The following NXN variants were observed in gnomAD, a reference collection of about 807,000 sequenced individuals.
NXN encodes nucleoredoxin 1.
In NXN, 16 loss-of-function variants were observed where a neutral mutation model predicts 48.6. That is an observed-to-expected ratio of 0.33 (90% CI 0.22 to 0.50). The LOEUF (loss-of-function observed/expected upper bound fraction) is 0.50, where lower values mean the gene tolerates loss of function less well. Ranked by LOEUF, NXN falls within the 20% of genes least tolerant of loss-of-function variation. The probability of loss-of-function intolerance (pLI) is 0.98; values close to 1 mark genes in which losing one functional copy is unlikely to be tolerated. For missense variants in NXN, 492 were observed against 605.5 expected, an observed-to-expected ratio of 0.81 and a Z score of 1.97; for synonymous variants, 281 against 269.6, an observed-to-expected ratio of 1.04 and a Z score of -0.41.
At chr17:851,290 A>G (rs1446145441) in intron 1 of NXN, among the ~76,000 whole-genome samples, 1 of 152,256 alleles carries the variant, frequency 6.6e-6, no homozygotes, top group Non-Finnish European at 1.5e-5. Flanking sequence ...CCCCGGCTGA[A>G]ATGAAGACGC....
At chr17:833,187 G>A (rs928118104) in intron 1 of NXN, among the ~76,000 whole-genome samples, 5 of 152,062 alleles carry the variant, frequency 3.3e-5, no homozygotes, top group East Asian at 1.9e-4. Flanking sequence ...CACCGCACCC[G>A]GCCGAAAAGT....
rs34471469 is a variant in NXN at position 825,221 on chromosome 17, GAA to G, written c.478+738_478+739del. Among the ~76,000 whole-genome samples, 70,354 of 120,638 alleles carry G rather than the reference GAA, an allele frequency of 0.58. 18,788 individuals are homozygous for G. Among genetic ancestry groups the G allele is most frequent in the African/African-American group, 0.73 (25,816 of 35,210 alleles). 79.1% of individuals were successfully genotyped at this position (120,638 alleles called of 152,430 possible). On this transcript the variant is annotated intron_variant, in intron 2 of 7. Transcript: ENST00000336868. This position sits in a 1 kb window ranked among gnomAD's most constrained non-coding sequence, Gnocchi z 4.1. ...GACAGAGGGAGATAGTGTCTCAAGA[GAA>G]AAAAAAAAAAAAAAAAGAAAAGCTT... is the stretch of plus-strand genomic sequence containing the variant.
At chr17:946,653 TC>T (rs1567514039) in intron 1 of NXN, among the ~76,000 whole-genome samples, 2 of 151,950 alleles carry the variant, frequency 1.3e-5, no homozygotes, top group Non-Finnish European at 2.9e-5. Flanking sequence ...AAAACCACGC[TC>T]CCCGTTAGCC....
chr17:836,918 G>C (rs1220343634), intron 1 of NXN, among the ~76,000 whole-genome samples: 2 of 151,724 alleles, frequency 1.3e-5, no homozygotes, highest in African/African-American at 2.4e-5. Flanking sequence ...CAGCCTCCCA[G>C]AGTGCTGGGA....
chr17:892,034 C>T (rs1249311341), intron 1 of NXN, among the ~76,000 whole-genome samples: 1 of 149,800 alleles, frequency 6.7e-6, no homozygotes, highest in African/African-American at 2.5e-5. Flanking sequence ...CCCCACCATG[C>T]ACAACCCAAC....
rs1232018140 is a variant in NXN, at chr17:956,460, C to A, written c.360+22859G>T. 1.3e-5 allele frequency among the ~76,000 whole-genome samples: 2 copies of A among 152,144 alleles called. No homozygotes were observed. Among genetic ancestry groups the A allele is most frequent in the African/African-American group, 4.8e-5 (2 of 41,428 alleles). On this transcript the variant is annotated intron_variant, in intron 1 of 7. Transcript: ENST00000336868. The surrounding 1 kb of genome is among the most constrained non-coding windows in gnomAD (Gnocchi z 4.1). ...CAGAGATTCTCTCTTGTCACCCAGG[C>A]TGGAGTGCAACGGCACAACCTCAGC...
chr17:967,552 G>A (rs2069321518), intron 1 of NXN, among the ~76,000 whole-genome samples: 1 of 152,192 alleles, frequency 6.6e-6, no homozygotes, highest in Non-Finnish European at 1.5e-5. Context: ...CAGGAATGTG[G>A]CAAGGAGGCA....
intron 1 of NXN, among the ~76,000 whole-genome samples, chr17:979,023 G>A (rs2150650508): frequency 6.7e-6 from 1 of 148,992 alleles, no homozygotes; most frequent in South Asian, 2.1e-4. Flanking sequence ...CGGGGGCCGA[G>A]GGGGGTCCAA....
intron 1 of NXN, among the ~76,000 whole-genome samples, chr17:833,887 T>C (rs1913636677): frequency 6.6e-6 from 1 of 151,992 alleles, no homozygotes; most frequent in African/African-American, 2.4e-5. Context: ...GAGCGGGTGA[T>C]TAAAAAAGAA....
chr17:887,602 G>A (rs111612048), intron 1 of NXN, among the ~76,000 whole-genome samples: 5 of 152,214 alleles, frequency 3.3e-5, no homozygotes, highest in African/African-American at 9.6e-5. Context: ...CCAGCCATAA[G>A]GTAAACAAAT....
chr17:911,511 TG>T lies in NXN; in HGVS notation c.360+67807del, dbSNP rs1462277859. ...CCCGGCTAATTTTTTTTGTATTTTT[TG>T]TAGAGATGGTGTTTTACCGTGTTAG... On this transcript the variant is annotated intron_variant, in intron 1 of 7. Transcript: ENST00000336868. Among the ~76,000 whole-genome samples the T allele has an allele frequency of 4.0e-5, 6 of 151,876 alleles. No homozygotes were observed. The South Asian group carries it at 1.2e-3, about 32-fold the overall frequency.
chr17:809,781 C>T (rs979361535), intron 5 of NXN, among the ~76,000 whole-genome samples: 2 of 96,708 alleles, frequency 2.1e-5, no homozygotes, highest in African/African-American at 6.8e-5. Context: ...TAAAAACTGC[C>T]GAGCGCACAG....
At chr17:812,785 TGTGTAGGTGTGTGTGCGTGA>T (rs746915824) in intron 5 of NXN, among the ~76,000 whole-genome samples, 27 of 148,656 alleles carry the variant, frequency 1.8e-4, no homozygotes, top group South Asian at 1.1e-3. Context: ...TGTGTGCATG[TGTGTAGGTGTGTGTGCGTGA>T]GTGTAGGTGT....
At chr17:860,260 A>C (rs1227434020) in intron 1 of NXN, among the ~76,000 whole-genome samples, 1 of 152,238 alleles carries the variant, frequency 6.6e-6, no homozygotes, top group East Asian at 1.9e-4. Context: ...AGTAGCTGGG[A>C]TGACAGGCGT....
chr17:868,029 G>A lies in NXN; in HGVS notation c.361-41951C>T, dbSNP rs750247191. Among the ~76,000 whole-genome samples, 5 of 152,126 alleles carry A rather than the reference G, an allele frequency of 3.3e-5. No homozygotes were observed. The South Asian group carries it at 6.2e-4, about 19-fold the overall frequency. ...GAGTGACAGGAGCATGACCTATTCC[G>A]GGGACACAGCAGGGACATGTGTTGT... On this transcript the variant is annotated intron_variant, in intron 1 of 7. Transcript: ENST00000336868.
intron 1 of NXN, among the ~76,000 whole-genome samples, chr17:881,945 G>A (rs1183047426): frequency 1.3e-5 from 2 of 152,190 alleles, no homozygotes; most frequent in Non-Finnish European, 2.9e-5. Flanking sequence ...ACGGATGGGA[G>A]GGGGAGTCAC....
At chr17:881,389 C>T (rs775196545) in intron 1 of NXN, among the ~76,000 whole-genome samples, 2 of 152,130 alleles carry the variant, frequency 1.3e-5, no homozygotes, top group Non-Finnish European at 2.9e-5. Flanking sequence ...ACGCGTACCA[C>T]CACACTCGAA....
At chr17:895,576 GT>G (rs1177061617) in intron 1 of NXN, among the ~76,000 whole-genome samples, 1 of 151,308 alleles carries the variant, frequency 6.6e-6, no homozygotes, top group Non-Finnish European at 1.5e-5. Context: ...ACTTTGGGAG[GT>G]CGAGGTGGGC....
chr17:843,881 C>T (rs534156640), intron 1 of NXN, among the ~76,000 whole-genome samples: 89 of 152,264 alleles, frequency 5.8e-4, no homozygotes, highest in African/African-American at 1.9e-3. Flanking sequence ...CAAATCTGAA[C>T]GTTTTCACTC....
Sources: allele counts gnomAD v4.1 joint callset (sites outside exome capture counted in the v4.1 genomes callset), GRCh38; gene constraint gnomAD v4.1.1; non-coding constraint Gnocchi (gnomAD v3.1); transcripts MANE v1.5; gene names NCBI Gene and HGNC (gene_info 2026-07-23, HGNC 2026-07-21).